EIF4G3: variants seen among roughly 807,000 people sequenced by gnomAD.
EIF4G3 encodes the protein eukaryotic translation initiation factor 4 gamma 3, also known as eIF-4-gamma 3.
A neutral mutation model predicts 186.4 loss-of-function variants in EIF4G3; 34 were observed. That is an observed-to-expected ratio of 0.18 (90% CI 0.14 to 0.24). The LOEUF (loss-of-function observed/expected upper bound fraction) is 0.24. Among genes scored for constraint, EIF4G3 ranks in the 10% least tolerant of loss-of-function variants. The pLI is 1.00. For synonymous variants in EIF4G3, 673 were observed against 679.5 expected, an observed-to-expected ratio of 0.99 and a Z score of 0.15; for missense variants, 1,536 against 1,948.5, an observed-to-expected ratio of 0.79 and a Z score of 3.99.
intron 17 of EIF4G3, among the ~76,000 whole-genome samples, chr1:20,893,983 A>T (rs2087012575): frequency 6.7e-6 from 1 of 150,306 alleles, no homozygotes; most frequent in Non-Finnish European, 1.5e-5. Context: ...TTTTAGAATT[A>T]AAAAAAAATA....
intron 4 of EIF4G3, among the ~76,000 whole-genome samples, chr1:21,024,328 C>T (rs1221562568): frequency 4.6e-5 from 7 of 152,208 alleles, no homozygotes; most frequent in African/African-American, 1.7e-4. Context: ...CCAGCCGCCC[C>T]GACCGTGAGG....
chr1:21,088,104 G>C (rs2096058804), intron 3 of EIF4G3, among the ~76,000 whole-genome samples: 1 of 150,930 alleles, frequency 6.6e-6, no homozygotes, highest in Admixed American at 6.6e-5. Flanking sequence ...TCTTAAAAAT[G>C]AAAAAAAATT....
intron 30 of EIF4G3, among the ~76,000 whole-genome samples, chr1:20,831,285 T>A (rs1219961439): frequency 1.3e-5 from 2 of 151,556 alleles, no homozygotes; most frequent in Non-Finnish European, 2.9e-5. Context: ...TTAATTTTTT[T>A]TTTTTTTTTT....
At chr1:20,979,146 A>C (rs1392673685) in intron 10 of EIF4G3, among the ~76,000 whole-genome samples, 1 of 152,244 alleles carries the variant, frequency 6.6e-6, no homozygotes, top group East Asian at 1.9e-4. Context: ...TCCATGGAAT[A>C]AGAGAAATGT....
At chr1:21,175,995 C>G (rs2098095989) in intron 2 of EIF4G3, 180 bp downstream of exon 2, 1 of 265,424 alleles carries the variant, frequency 3.8e-6, no homozygotes, top group Non-Finnish European at 7.0e-6. Context: ...TGGGGGTCCC[C>G]CCGCAGTGCT....
intron 2 of EIF4G3, among the ~76,000 whole-genome samples, chr1:21,124,975 C>A (rs1012169398): frequency 5.3e-5 from 8 of 152,164 alleles, no homozygotes; most frequent in African/African-American, 1.9e-4. Context: ...ACTGTTTCAA[C>A]ACATCCAGGT....
intron 14 of EIF4G3, among the ~76,000 whole-genome samples, chr1:20,918,347 CCACAGTCACGCACCAG>C (rs2094136543): frequency 6.6e-6 from 1 of 152,030 alleles, no homozygotes; most frequent in Admixed American, 6.6e-5. Flanking sequence ...GTAGCTGGGA[CCACAGTCACGCACCAG>C]CACACTTTGC....
intron 4 of EIF4G3, among the ~76,000 whole-genome samples, chr1:21,012,836 A>T (rs564851850): frequency 2.0e-5 from 3 of 152,180 alleles, no homozygotes; most frequent in Non-Finnish European, 4.4e-5. Flanking sequence ...GAATCCACAG[A>T]TCCTCTAAAA....
chr1:20,908,784 T>G (rs1012947017), intron 14 of EIF4G3, among the ~76,000 whole-genome samples: 1 of 152,148 alleles, frequency 6.6e-6, no homozygotes, highest in Non-Finnish European at 1.5e-5. Context: ...ATGTAAAAGT[T>G]TCATAAACTT....
At chr1:20,842,360 T>C (rs1276728073) in intron 29 of EIF4G3, among the ~76,000 whole-genome samples, 1 of 152,210 alleles carries the variant, frequency 6.6e-6, no homozygotes, top group Admixed American at 6.5e-5. Flanking sequence ...ACAATTATCA[T>C]GTAAAATGGT....
At chr1:21,071,815 AAAAG>A (rs1009406489) in intron 3 of EIF4G3, among the ~76,000 whole-genome samples, 9 of 152,202 alleles carry the variant, frequency 5.9e-5, no homozygotes, top group Middle Eastern at 3.4e-3. Context: ...CAAAAAAAAA[AAAAG>A]AGAGAGAGGA....
At chr1:20,897,189 C>T (rs906240898) in intron 16 of EIF4G3, among the ~76,000 whole-genome samples, 1 of 152,074 alleles carries the variant, frequency 6.6e-6, no homozygotes, top group Non-Finnish European at 1.5e-5. Flanking sequence ...CTTCTAAATA[C>T]CTTTGAGTAG....
At chr1:21,117,756 A>C (rs888300560) in intron 2 of EIF4G3, among the ~76,000 whole-genome samples, 3 of 146,954 alleles carry the variant, frequency 2.0e-5, no homozygotes, top group African/African-American at 5.0e-5. Context: ...AAAAAAAAAA[A>C]AAAAATTAAA....
chr1:21,171,571 A>G (rs1253639589), intron 2 of EIF4G3, among the ~76,000 whole-genome samples: 1 of 152,198 alleles, frequency 6.6e-6, no homozygotes, highest in Non-Finnish European at 1.5e-5. Context: ...CCATGTTAGT[A>G]TCTTCTAATA....
Position 20,886,334 on chromosome 1 carries a change from T to C in EIF4G3, c.2291A>G (p.Gln764Arg). 1.2e-6 allele frequency: 2 copies of C among 1,614,036 alleles called. No homozygotes were observed. Among genetic ancestry groups the C allele is most frequent in the Non-Finnish European group, 1.7e-6 (2 of 1,179,974 alleles). Residue 764 changes from glutamine to arginine, a missense_variant, in exon 19 of 37, where the codon CAA becomes CGA. By Grantham distance (43) the Gln-to-Arg change is conservative. This residue lies in a region of EIF4G3 where 139 missense variants were observed against 192.8 expected (regional missense o/e 0.72). Transcript: ENST00000602326. Reference protein sequence around the residue: ...NVGSRRSQPGQRREPRKIITV... With the variant: ...NVGSRRSQPGRRREPRKIITV... ...GATGATCTTTCTGGGTTCTCTTCTT[T>C]GGCCAGGTTGAGATCTTCGTGACCC... is the stretch of plus-strand genomic sequence containing the variant.
chr1:21,040,041 T>C (rs1250468588), intron 4 of EIF4G3, among the ~76,000 whole-genome samples: 1 of 152,226 alleles, frequency 6.6e-6, no homozygotes, highest in Non-Finnish European at 1.5e-5. Context: ...TCATCCTGAT[T>C]CCTGTCACAC....
intron 4 of EIF4G3, among the ~76,000 whole-genome samples, chr1:21,045,383 A>C (rs1005072198): frequency 6.6e-6 from 1 of 152,230 alleles, no homozygotes; most frequent in Admixed American, 6.5e-5. Flanking sequence ...CAGAGACAAT[A>C]AAGTATCTAA....
At chr1:21,013,278 C>T (rs1241248642) in intron 4 of EIF4G3, among the ~76,000 whole-genome samples, 2 of 151,872 alleles carry the variant, frequency 1.3e-5, no homozygotes, top group Non-Finnish European at 2.9e-5. Flanking sequence ...ACACTCAAAA[C>T]AATATAGGAA....
intron 4 of EIF4G3, among the ~76,000 whole-genome samples, chr1:21,015,326 A>G (rs2154570285): frequency 6.6e-6 from 1 of 152,268 alleles, no homozygotes; most frequent in South Asian, 2.1e-4. Flanking sequence ...AGAAGAAGAG[A>G]GAGGAAAAGG....
Sources: gnomAD v4.1 joint callset for allele counts (sites outside exome capture counted in the v4.1 genomes callset) on GRCh38, gnomAD v4.1.1 for gene constraint, gnomAD v4.1.1 regional missense constraint, MANE v1.5 for transcripts, NCBI Gene and HGNC (gene_info 2026-07-23, HGNC 2026-07-21) for gene names.